The following EML6 variants were observed in gnomAD, a reference collection of about 807,000 sequenced individuals.
EML6 encodes the protein echinoderm microtubule-associated protein-like 6.
Under a neutral mutation model 240.1 loss-of-function variants are expected in EML6, and 154 were observed. That is an observed-to-expected ratio of 0.64 (90% CI 0.56 to 0.73). The LOEUF is 0.73. EML6 is among the 30% of genes least tolerant of loss of function. The pLI, the probability that EML6 is intolerant of heterozygous loss-of-function variation, is 0.00. For synonymous variants in EML6, 1,148 were observed against 899.0 expected (o/e 1.28, Z -4.95); for missense variants, 2,964 against 2,474.6 (o/e 1.20, Z -4.20).
At chr2:54,937,459 A>G (rs1675201098) in intron 28 of EML6, among the ~76,000 whole-genome samples, 2 of 150,214 alleles carry the variant, frequency 1.3e-5, no homozygotes, top group South Asian at 4.3e-4. Flanking sequence ...AGGCTGAGAT[A>G]AAAGGATCAC....
At chr2:54,818,859 T>C (rs74838072) in intron 4 of EML6, among the ~76,000 whole-genome samples, 4,178 of 152,310 alleles carry the variant, frequency 0.027, 196 homozygotes, top group African/African-American at 0.095. Flanking sequence ...TTATTACTGA[T>C]ACCAGTATGA....
At chr2:54,780,750 GA>G (rs1313065665) in intron 2 of EML6, among the ~76,000 whole-genome samples, 1 of 152,182 alleles carries the variant, frequency 6.6e-6, no homozygotes, top group Non-Finnish European at 1.5e-5. Flanking sequence ...TATTTTCATA[GA>G]AACATAGTAA....
intron 19 of EML6, among the ~76,000 whole-genome samples, chr2:54,894,027 A>T (rs1374922718): frequency 1.3e-5 from 2 of 152,190 alleles, no homozygotes; most frequent in South Asian, 4.1e-4. Context: ...ATCACAATAT[A>T]ATATATTGCA....
chr2:54,795,498 A>G (rs1669713667), intron 2 of EML6, among the ~76,000 whole-genome samples: 1 of 152,184 alleles, frequency 6.6e-6, no homozygotes, highest in Non-Finnish European at 1.5e-5. Flanking sequence ...AGTCTCATCA[A>G]ATACACGTGT....
At chr2:54,955,599 G>A (rs1042209454) in intron 32 of EML6, among the ~76,000 whole-genome samples, 4 of 152,178 alleles carry the variant, frequency 2.6e-5, no homozygotes, top group Non-Finnish European at 5.9e-5. Context: ...GCACGGCCTT[G>A]TCTTTTTAGG....
chr2:54,789,803 C>G (rs1254215231), intron 2 of EML6, among the ~76,000 whole-genome samples: 5 of 152,092 alleles, frequency 3.3e-5, no homozygotes, highest in African/African-American at 9.7e-5. Flanking sequence ...AATTTGAATC[C>G]AGAGTTAACT....
rs113704115 is a variant in EML6, at chr2:54,928,348, C to T, written c.3711C>T (p.His1237=). ...CAAGATTCAAGAAGTATGTGGGGCACAGTGCACATGTCACTAACGTGAGGT... is the reference window on the plus strand; with the variant it reads ...CAAGATTCAAGAAGTATGTGGGGCATAGTGCACATGTCACTAACGTGAGGT... ...QHARFKKYVG[H]SAHVTNVRWL... Residue 1237 remains histidine (H), a synonymous_variant, in exon 27 of 42, where the codon CAC becomes CAT. Coordinates refer to ENST00000356458, the MANE Select transcript of EML6 (RefSeq NM_001039753.4). 1.6e-3 allele frequency: 2,473 copies of T among 1,551,850 alleles called. 35 individuals are homozygous for T. The African/African-American group carries it at 0.03, about 19-fold the overall frequency.
At chr2:54,941,706 G>A (rs1238199712) in intron 28 of EML6, among the ~76,000 whole-genome samples, 1 of 152,228 alleles carries the variant, frequency 6.6e-6, no homozygotes, top group Non-Finnish European at 1.5e-5. Flanking sequence ...ATCTGCAGTT[G>A]CATGTGTGTT....
chr2:54,875,217 C>G (rs1402510681), intron 16 of EML6, among the ~76,000 whole-genome samples: 2 of 152,210 alleles, frequency 1.3e-5, no homozygotes, highest in African/African-American at 4.8e-5. Context: ...AGATCCCGTT[C>G]TAAAACAGCC....
rs1674668888 is a variant in EML6 at position 54,928,346 on chromosome 2, C to G, written c.3709C>G (p.His1237Asp). 1 of 1,551,856 alleles carries G rather than the reference C, an allele frequency of 6.4e-7. No homozygotes were observed. The highest frequency in any genetic ancestry group is 1.4e-5 in the African/African-American group (1 of 72,944). ...QHARFKKYVG[H>D]SAHVTNVRWL... ...CGCAAGATTCAAGAAGTATGTGGGG[C>G]ACAGTGCACATGTCACTAACGTGAG... Residue 1237 changes from histidine to aspartate, a missense_variant, in exon 27 of 42, where the codon CAC (histidine) becomes GAC (aspartate). Transcript: ENST00000356458.
chr2:54,823,711 T>A (rs1224971417), intron 5 of EML6, among the ~76,000 whole-genome samples: 1 of 152,114 alleles, frequency 6.6e-6, no homozygotes, highest in Non-Finnish European at 1.5e-5. Context: ...CCATCATCCA[T>A]CCTGTACTCA....
chr2:54,851,365 A>G (rs934355518), intron 10 of EML6, among the ~76,000 whole-genome samples: 1 of 152,230 alleles, frequency 6.6e-6, no homozygotes, highest in Non-Finnish European at 1.5e-5. Context: ...GCGAGCTGAG[A>G]TCGCACCACT....
chr2:54,726,990 A>G (rs1360421599), intron 2 of EML6, among the ~76,000 whole-genome samples: 1 of 152,230 alleles, frequency 6.6e-6, no homozygotes, highest in Admixed American at 6.5e-5. Context: ...CAAGGAAAAA[A>G]ACCAAATGCA....
chr2:54,830,937 T>A (rs758068468), intron 7 of EML6, among the ~76,000 whole-genome samples: 1 of 152,220 alleles, frequency 6.6e-6, no homozygotes, highest in Non-Finnish European at 1.5e-5. Flanking sequence ...GTTGTGGAAT[T>A]TGGTGTCTAC....
chr2:54,949,903 G>A (rs1237785366), intron 29 of EML6, among the ~76,000 whole-genome samples: 2 of 152,186 alleles, frequency 1.3e-5, no homozygotes, highest in Non-Finnish European at 2.9e-5. Context: ...CAGTACCCTG[G>A]TCTTTCCAAG....
chr2:54,757,422 C>T (rs1341600272), intron 2 of EML6, among the ~76,000 whole-genome samples: 1 of 152,142 alleles, frequency 6.6e-6, no homozygotes, highest in East Asian at 1.9e-4. Context: ...GGCATTTTCT[C>T]TTGTGTTGGT....
chr2:54,902,444 G>C (rs1196653395), intron 22 of EML6, among the ~76,000 whole-genome samples: 1 of 152,174 alleles, frequency 6.6e-6, no homozygotes, highest in Non-Finnish European at 1.5e-5. Context: ...CTGTCATCCA[G>C]TCTGGAGTGC....
In EML6 at chr2:54,899,766, A is replaced by G. The variant is rs1558665038; in HGVS notation, c.3108A>G (p.Val1036=). 3.9e-6 allele frequency: 6 copies of G among 1,551,302 alleles called. No individual in the cohort carries two copies. In the South Asian group the frequency reaches 7.1e-5, roughly 18 times the overall value. The part of the protein sequence containing the change: ...ELSAQHRMLA[V]RKLKKGGRCC... ...CTGCCCAGCACCGTATGCTGGCAGT[A>G]CGGAAACTCAAAAAAGGTACATAAC... Residue 1036 remains valine (V), a synonymous_variant, in exon 22 of 42, where the codon GTA becomes GTG. Transcript: ENST00000356458.
At chr2:54,853,516 G>A (rs914935760) in intron 10 of EML6, 127 bp from the exon 11 acceptor site, 1 of 650,944 alleles carries the variant, frequency 1.5e-6, no homozygotes, top group Admixed American at 3.5e-5. Flanking sequence ...TCGCAAATGG[G>A]ATAAAGAGAT....
Sources: allele counts gnomAD v4.1 joint callset (sites outside exome capture counted in the v4.1 genomes callset), GRCh38; gene constraint gnomAD v4.1.1; transcripts MANE v1.5; gene names NCBI Gene and HGNC (gene_info 2026-07-23, HGNC 2026-07-21).